CNOT1: variants seen among roughly 807,000 people sequenced by gnomAD.
CNOT1 encodes CCR4-associated factor 1.
In CNOT1, 15 loss-of-function variants were observed where a neutral mutation model predicts 273.8. That is an observed-to-expected ratio of 0.05 (90% CI 0.04 to 0.08). The LOEUF (loss-of-function observed/expected upper bound fraction) is 0.08, where lower values mean the gene tolerates loss of function less well. Among genes scored for constraint, CNOT1 ranks in the 10% least tolerant of loss-of-function variants. The probability of loss-of-function intolerance (pLI) is 1.00; values close to 1 mark genes in which losing one functional copy is unlikely to be tolerated. For missense variants in CNOT1, 1,644 were observed against 2,912.2 expected, an observed-to-expected ratio of 0.56 and a Z score of 10.02; for synonymous variants, 1,022 against 1,005.5, an observed-to-expected ratio of 1.02 and a Z score of -0.31.
At chr16:58,618,662 A>AG (rs397693825) in intron 1 of CNOT1, among the ~76,000 whole-genome samples, 1 of 151,140 alleles carries the variant, frequency 6.6e-6, no homozygotes, top group African/African-American at 2.4e-5. Flanking sequence ...AAAAAAAAAA[A>AG]GAAAAAGAGT....
chr16:58,530,291 G>A lies in CNOT1; in HGVS notation c.6234C>T (p.Phe2078=). Residue 2078 remains phenylalanine (F), a synonymous_variant, in exon 43 of 49, where the codon TTC becomes TTT. Coordinates refer to ENST00000317147, the MANE Select transcript of CNOT1 (RefSeq NM_016284.5). ...GTTTGGTGAGTTCCACATTTCTAAGGAAAGGCGCTAAATATTTGAATAAAT... is the reference window on the plus strand; with the variant it reads ...GTTTGGTGAGTTCCACATTTCTAAGAAAAGGCGCTAAATATTTGAATAAAT... The part of the protein sequence containing the change: ...LIDLFKYLAP[F]LRNVELTKPM... 3 of 1,612,138 alleles carry A rather than the reference G, an allele frequency of 1.9e-6. No individual in the cohort carries two copies. Among genetic ancestry groups the A allele is most frequent in the Non-Finnish European group, 2.5e-6 (3 of 1,178,658 alleles).
chr16:58,562,841 G>A (rs1252017290), intron 16 of CNOT1, among the ~76,000 whole-genome samples: 1 of 152,002 alleles, frequency 6.6e-6, no homozygotes, highest in Non-Finnish European at 1.5e-5. Flanking sequence ...AAAAAAAGCA[G>A]TAGCAGCCGT....
intron 1 of CNOT1, among the ~76,000 whole-genome samples, chr16:58,616,672 G>T (rs1230420432): frequency 6.6e-6 from 1 of 151,942 alleles, no homozygotes; most frequent in East Asian, 1.9e-4. Context: ...TTTCAGGTTG[G>T]TTTGCTTTCG....
At chr16:58,592,340 T>TA (rs889303835) in intron 2 of CNOT1, among the ~76,000 whole-genome samples, 25 of 148,162 alleles carry the variant, frequency 1.7e-4, no homozygotes, top group Middle Eastern at 3.4e-3. Flanking sequence ...AAAACTGACT[T>TA]AAAAAAAAAA....
intron 45 of CNOT1, 60 bp from the exon 46 acceptor site, chr16:58,525,419 CCA>C (rs2039550760): frequency 1.4e-6 from 2 of 1,446,286 alleles, no homozygotes; most frequent in Non-Finnish European, 1.9e-6. Context: ...AATTCTAGCA[CCA>C]GTATTTCTAA....
intron 3 of CNOT1, among the ~76,000 whole-genome samples, chr16:58,588,159 C>A (rs564534819): frequency 6.6e-6 from 1 of 152,056 alleles, no homozygotes; most frequent in South Asian, 2.1e-4. Context: ...ATTAGCCAGG[C>A]CTGGTGCCAG....
Position 58,556,920 on chromosome 16 carries a change from G to A in CNOT1, c.2406C>T (p.Asp802=). 2.5e-6 allele frequency: 4 copies of A among 1,614,088 alleles called. No homozygotes were observed. Among genetic ancestry groups the A allele is most frequent in the Non-Finnish European group, 3.4e-6 (4 of 1,180,012 alleles). Residue 802 remains aspartate (D), a synonymous_variant, in exon 19 of 49, where the codon GAC becomes GAT. Coordinates refer to ENST00000317147, the MANE Select transcript of CNOT1 (RefSeq NM_016284.5). ...TGCCCAGTTTCCTCTGTACAAAAGG[G>A]TCGTTATTCACTGCAGGGAGTCCAA... The part of the protein sequence containing the change: ...GALGLPAVNN[D]PFVQRKLGTS...
chr16:58,613,904 T>C (rs61654525), intron 1 of CNOT1, among the ~76,000 whole-genome samples: 7,254 of 118,236 alleles, frequency 0.061, 1,859 homozygotes, highest in South Asian at 0.31. Context: ...CTGGCTAACA[T>C]GGTGAAACCC....
intron 2 of CNOT1, among the ~76,000 whole-genome samples, chr16:58,592,083 T>C (rs1597539169): frequency 6.6e-6 from 1 of 152,282 alleles, no homozygotes; most frequent in Middle Eastern, 3.4e-3. Context: ...TTAAGCTGTT[T>C]AATACAATTT....
chr16:58,601,259 G>A (rs1398388766), intron 1 of CNOT1, among the ~76,000 whole-genome samples: 3 of 152,104 alleles, frequency 2.0e-5, no homozygotes, highest in Admixed American at 6.6e-5. Context: ...CCCACATCCT[G>A]GCTAGTTTTT....
At chr16:58,572,908 A>C (rs1469184426) in intron 16 of CNOT1, among the ~76,000 whole-genome samples, 4 of 140,270 alleles carry the variant, frequency 2.9e-5, no homozygotes, top group Non-Finnish European at 3.1e-5. Context: ...ACTCTGTCTC[A>C]AAAAAAAAAA....
chr16:58,600,473 T>C (rs2042422018), intron 1 of CNOT1, among the ~76,000 whole-genome samples: 1 of 152,318 alleles, frequency 6.6e-6, no homozygotes, highest in South Asian at 2.1e-4. Context: ...AAATTAAGGT[T>C]TGTGGAAGGA....
chr16:58,616,880 C>T lies in CNOT1; in HGVS notation c.-175+12848G>A, dbSNP rs564234137. Reference sequence around the variant, plus strand: ...GTAAAACTAAAATAATTTTAAGTGTCTTGTGATTTATACCAAGAATAAGTA... The same window carrying T: ...GTAAAACTAAAATAATTTTAAGTGTTTTGTGATTTATACCAAGAATAAGTA... On this transcript the variant is annotated intron_variant, in intron 1 of 48. Coordinates refer to ENST00000317147, the MANE Select transcript of CNOT1 (RefSeq NM_016284.5). Among the ~76,000 whole-genome samples, 10 of 152,110 alleles carry T rather than the reference C, an allele frequency of 6.6e-5. No individual in the cohort carries two copies. The East Asian group carries it at 1.9e-3, about 29-fold the overall frequency.
rs572201328 is a variant in CNOT1, at chr16:58,519,968, A to C, written c.*990T>G. On this transcript the variant is annotated 3_prime_UTR_variant, in exon 49 of 49. Transcript: ENST00000317147. ...GACTCATGTGTGTGTCATGACTTTA[A>C]TGGTTAGCTACAGTATGCATACACA... 1 of 152,324 alleles carries C rather than the reference A, an allele frequency of 6.6e-6. No homozygotes were observed. The highest frequency in any genetic ancestry group is 2.1e-4 in the South Asian group (1 of 4,824). 9.4% of individuals were successfully genotyped at this position (152,324 alleles called of 1,614,324 possible).
chr16:58,549,627 T>C (rs1392942676), intron 25 of CNOT1, 92 bp downstream of exon 25: 3 of 1,478,698 alleles, frequency 2.0e-6, no homozygotes, highest in East Asian at 2.4e-5. Flanking sequence ...ATTGACAATA[T>C]ATATGGAAAA....
chr16:58,540,625 G>A (rs1042019857), intron 34 of CNOT1, among the ~76,000 whole-genome samples: 2 of 152,140 alleles, frequency 1.3e-5, no homozygotes, highest in African/African-American at 4.8e-5. Flanking sequence ...TACATTATTG[G>A]GATACATGGT....
At chr16:58,625,354 T>C (rs1216349676) in intron 1 of CNOT1, among the ~76,000 whole-genome samples, 2 of 151,872 alleles carry the variant, frequency 1.3e-5, no homozygotes, top group Admixed American at 6.6e-5. Flanking sequence ...CTCTACTAAA[T>C]ACAAAAAATT....
chr16:58,540,538 C>T (rs1233642660), intron 34 of CNOT1, among the ~76,000 whole-genome samples: 1 of 152,180 alleles, frequency 6.6e-6, no homozygotes, highest in Non-Finnish European at 1.5e-5. Context: ...GAGTTACCTA[C>T]ACCAGCTAGA....
chr16:58,544,138 T>G (rs2040182508), intron 30 of CNOT1, among the ~76,000 whole-genome samples: 1 of 152,230 alleles, frequency 6.6e-6, no homozygotes, highest in African/African-American at 2.4e-5. Context: ...AATCCAAGTT[T>G]AATGGACAAA....
Sources: gnomAD v4.1 joint callset for allele counts (sites outside exome capture counted in the v4.1 genomes callset) on GRCh38, gnomAD v4.1.1 for gene constraint, MANE v1.5 for transcripts, NCBI Gene and HGNC (gene_info 2026-07-23, HGNC 2026-07-21) for gene names.